KCNMB4: variants seen among roughly 807,000 people sequenced by gnomAD.
KCNMB4 encodes the protein calcium-activated potassium channel subunit beta-4.
Under a neutral mutation model 20.7 loss-of-function variants are expected in KCNMB4, and 3 were observed. That is an observed-to-expected ratio of 0.14 (90% CI 0.07 to 0.37). The LOEUF (loss-of-function observed/expected upper bound fraction) is 0.37. KCNMB4 is among the 10% of genes least tolerant of loss of function. The pLI is 1.00. For missense variants in KCNMB4, 168 were observed against 265.9 expected (o/e 0.63, Z 2.56); for synonymous variants, 110 against 113.4 (o/e 0.97, Z 0.19).
intron 1 of KCNMB4, among the ~76,000 whole-genome samples, chr12:70,396,197 C>T (rs1224954769): frequency 6.6e-6 from 1 of 152,070 alleles, no homozygotes; most frequent in East Asian, 1.9e-4. Context: ...TCAGGAGCTC[C>T]AAAGAGAGAA....
intron 2 of KCNMB4, among the ~76,000 whole-genome samples, chr12:70,402,001 T>C (rs923740787): frequency 3.9e-5 from 6 of 152,202 alleles, no homozygotes; most frequent in African/African-American, 1.4e-4. Context: ...GCAAAACATT[T>C]GTCACCACAT....
Position 70,430,760 on chromosome 12 carries a change from CAGGGCTCTG to C in KCNMB4, c.*110_*118del. ...GCGCAGGAGATGGACAGGGCCACGACAGGGCTCTGAGAGGCTCATCCCTCAGTGGCAACA... is the reference window on the plus strand; with the variant it reads ...GCGCAGGAGATGGACAGGGCCACGACAGAGGCTCATCCCTCAGTGGCAACA... On this transcript the variant is annotated 3_prime_UTR_variant, in exon 3 of 3. Coordinates refer to ENST00000258111, the MANE Select transcript of KCNMB4 (RefSeq NM_014505.6). The C allele has an allele frequency of 4.4e-6, 5 of 1,134,088 alleles. No homozygotes were observed. The highest frequency in any genetic ancestry group is 6.0e-6 in the Non-Finnish European group (5 of 839,344). 70.3% of individuals were successfully genotyped at this position (1,134,088 alleles called of 1,614,324 possible). A position where few individuals can be genotyped will look rare whatever the true frequency, so the allele number is the denominator to read the frequency against.
intron 2 of KCNMB4, among the ~76,000 whole-genome samples, chr12:70,406,411 G>T (rs1211513057): frequency 6.6e-6 from 1 of 152,174 alleles, no homozygotes; most frequent in Non-Finnish European, 1.5e-5. Context: ...TCCTGCAGAT[G>T]AAAACTGTTG....
chr12:70,367,767 AC>A (rs1282209978), intron 1 of KCNMB4, among the ~76,000 whole-genome samples: 4 of 152,096 alleles, frequency 2.6e-5, no homozygotes, highest in African/African-American at 9.7e-5. Context: ...CGTCTGGAGA[AC>A]AGTAAAACTT....
chr12:70,409,888 T>G (rs1868721032), intron 2 of KCNMB4, among the ~76,000 whole-genome samples: 1 of 152,198 alleles, frequency 6.6e-6, no homozygotes, highest in Non-Finnish European at 1.5e-5. Context: ...GAGCAAGAAC[T>G]ATACAGGGCT....
At chr12:70,369,868 C>T (rs1883559903) in intron 1 of KCNMB4, among the ~76,000 whole-genome samples, 1 of 152,134 alleles carries the variant, frequency 6.6e-6, no homozygotes, top group Non-Finnish European at 1.5e-5. Context: ...TTCAAGGCAA[C>T]AAATTGTCCA....
intron 2 of KCNMB4, among the ~76,000 whole-genome samples, chr12:70,409,374 T>C (rs1389113295): frequency 6.6e-6 from 1 of 152,222 alleles, no homozygotes. Flanking sequence ...TTGTTTTGCT[T>C]TGTTTAAGCC....
intron 2 of KCNMB4, among the ~76,000 whole-genome samples, chr12:70,408,735 C>T (rs990901389): frequency 2.0e-5 from 3 of 152,054 alleles, no homozygotes; most frequent in South Asian, 4.2e-4. Flanking sequence ...CCCTTAACCT[C>T]GAGGCTCAGT....
At chr12:70,390,001 G>T (rs1288746582) in intron 1 of KCNMB4, among the ~76,000 whole-genome samples, 1 of 152,150 alleles carries the variant, frequency 6.6e-6, no homozygotes, top group Non-Finnish European at 1.5e-5. Context: ...TTTACTATTT[G>T]TTAACCAGTG....
intron 2 of KCNMB4, among the ~76,000 whole-genome samples, chr12:70,426,372 G>A (rs1489256596): frequency 6.6e-6 from 1 of 151,950 alleles, no homozygotes; most frequent in Admixed American, 6.6e-5. Flanking sequence ...TAGCTAAGTA[G>A]CATTGCATTT....
intron 1 of KCNMB4, among the ~76,000 whole-genome samples, chr12:70,396,611 A>T (rs758426640): frequency 5.3e-5 from 8 of 152,202 alleles, no homozygotes; most frequent in Non-Finnish European, 7.3e-5. Flanking sequence ...TGGCCAAGAA[A>T]GTTTTCTTAA....
At chr12:70,380,790 C>A (rs1330796928) in intron 1 of KCNMB4, among the ~76,000 whole-genome samples, 1 of 152,158 alleles carries the variant, frequency 6.6e-6, no homozygotes, top group Non-Finnish European at 1.5e-5. Flanking sequence ...TGAAGTTGAA[C>A]TCTGATTGCA....
intron 2 of KCNMB4, among the ~76,000 whole-genome samples, chr12:70,409,881 C>G (rs757333236): frequency 2.4e-4 from 36 of 152,282 alleles, no homozygotes; most frequent in South Asian, 4.1e-4. Flanking sequence ...GAGAGTGGAG[C>G]AAGAACTATA....
chr12:70,427,249 A>C (rs1233623573), intron 2 of KCNMB4, among the ~76,000 whole-genome samples: 1 of 152,226 alleles, frequency 6.6e-6, no homozygotes, highest in African/African-American at 2.4e-5. Flanking sequence ...CTGCCTGATA[A>C]AATTGGAGGA....
chr12:70,366,653 C>T lies in KCNMB4; in HGVS notation c.-82C>T. ...GGCGGCGGCGGTGGCGGCGGCGGCT[C>T]CTCCCGCCCGAGGCAGTCGGGCTCG... On this transcript the variant is annotated 5_prime_UTR_variant, in exon 1 of 3. Transcript: ENST00000258111. The T allele has an allele frequency of 2.8e-6, 3 of 1,075,206 alleles. No homozygotes were observed. Among genetic ancestry groups the T allele is most frequent in the Non-Finnish European group, 2.3e-6 (2 of 856,078 alleles). The allele number at this position is 1,075,206 out of a possible 1,614,324, so 66.6% of individuals were successfully genotyped here.
chr12:70,380,661 AAAAC>A (rs1210710800), intron 1 of KCNMB4, among the ~76,000 whole-genome samples: 1 of 152,160 alleles, frequency 6.6e-6, no homozygotes, highest in Non-Finnish European at 1.5e-5. Context: ...AAAAAAAAAA[AAAAC>A]CTATACATCA....
At chr12:70,393,591 C>T (rs1868322067) in intron 1 of KCNMB4, among the ~76,000 whole-genome samples, 3 of 152,144 alleles carry the variant, frequency 2.0e-5, no homozygotes, top group Non-Finnish European at 4.4e-5. Context: ...TATAACCAAC[C>T]TTAGCAGTCT....
chr12:70,397,633 T>C (rs559758835), intron 1 of KCNMB4, among the ~76,000 whole-genome samples: 1 of 152,356 alleles, frequency 6.6e-6, no homozygotes, highest in Non-Finnish European at 1.5e-5. Flanking sequence ...TGAAAGTTTT[T>C]GACCTTTTCA....
chr12:70,424,103 C>G lies in KCNMB4; in HGVS notation c.465-6382C>G, dbSNP rs556119908. ...AGTTTCCTATGGGAAGGACAAATGG[C>G]TTTTTAGGAGGACAAGTTAGTGGTA... On this transcript the variant is annotated intron_variant, in intron 2 of 2. Transcript: ENST00000258111. 3.3e-5 allele frequency among the ~76,000 whole-genome samples: 5 copies of G among 152,144 alleles called. No individual in the cohort carries two copies. The South Asian group carries it at 1.0e-3, about 32-fold the overall frequency.
Sources: allele counts gnomAD v4.1 joint callset (sites outside exome capture counted in the v4.1 genomes callset), GRCh38; gene constraint gnomAD v4.1.1; transcripts MANE v1.5; gene names NCBI Gene and HGNC (gene_info 2026-07-23, HGNC 2026-07-21).